The following TMEM232 variants were observed in gnomAD, a reference collection of about 807,000 sequenced individuals.
TMEM232 encodes transmembrane protein 232.
In TMEM232, 80 loss-of-function variants were observed where a neutral mutation model predicts 78.8. The ratio of observed to expected loss-of-function variants is 1.01; its 90% CI spans 0.85 to 1.22. The LOEUF (loss-of-function observed/expected upper bound fraction) is 1.22. TMEM232 is among the 50% of genes most tolerant of loss of function. The pLI is 0.00. For missense variants in TMEM232, 881 were observed against 742.2 expected (o/e 1.19, Z -2.17); for synonymous variants, 297 against 254.3 (o/e 1.17, Z -1.60).
intron 4 of TMEM232, among the ~76,000 whole-genome samples, chr5:110,639,008 A>C (rs1452099512): frequency 2.0e-5 from 3 of 152,228 alleles, no homozygotes; most frequent in Non-Finnish European, 4.4e-5. Flanking sequence ...AAATCATTAC[A>C]AAAGTTTTGA....
chr5:110,578,711 G>A (rs904669061), intron 10 of TMEM232, among the ~76,000 whole-genome samples: 1 of 151,794 alleles, frequency 6.6e-6, no homozygotes, highest in Non-Finnish European at 1.5e-5. Context: ...AAAAATTCTC[G>A]TGACATCGGC....
At position 110,716,232 on chromosome 5, in the gene TMEM232, C is replaced by T. The variant is rs537152324; in HGVS notation, c.-13+10395G>A. ...TCAAATATTTTACAGCAGGGGGCCC[C>T]GATCTTTTTGGCACCAGAGACCAGT... On this transcript the variant is annotated intron_variant, in intron 1 of 13. Transcript: ENST00000455884. Among the ~76,000 whole-genome samples the T allele has an allele frequency of 1.1e-4, 16 of 152,118 alleles. 1 individual carries two copies. The highest frequency in any genetic ancestry group is 7.9e-4 in the Admixed American group (12 of 15,250).
intron 2 of TMEM232, among the ~76,000 whole-genome samples, chr5:110,411,036 A>T (rs763016358): frequency 1.3e-5 from 2 of 152,160 alleles, no homozygotes; most frequent in Non-Finnish European, 2.9e-5. Context: ...AGGGGATGAG[A>T]AGTATCCTGG....
chr5:110,409,747 C>G (rs1340254736), intron 2 of TMEM232, among the ~76,000 whole-genome samples: 1 of 151,836 alleles, frequency 6.6e-6, no homozygotes, highest in Non-Finnish European at 1.5e-5. Context: ...GATGATTTTG[C>G]CCTTTAGCTA....
At chr5:110,605,758 A>C (rs1182898904) in intron 9 of TMEM232, among the ~76,000 whole-genome samples, 1 of 152,108 alleles carries the variant, frequency 6.6e-6, no homozygotes, top group Admixed American at 6.6e-5. Flanking sequence ...ATCTGTCCCA[A>C]AAACTCTGAA....
chr5:110,714,739 T>A (rs1796854385), intron 1 of TMEM232, among the ~76,000 whole-genome samples: 1 of 152,202 alleles, frequency 6.6e-6, no homozygotes, highest in Admixed American at 6.6e-5. Context: ...TTGATTCAGT[T>A]TTCACAAAAC....
rs1445940063 is a variant in TMEM232, at chr5:110,725,700, G to A, written c.-13+927C>T. 3 of 152,266 alleles carry A rather than the reference G, an allele frequency of 2.0e-5. No homozygotes were observed. The East Asian group carries it at 5.8e-4, about 29-fold the overall frequency. The allele number at this position is 152,266 out of a possible 1,614,324, so 9.4% of individuals were successfully genotyped here. A position where few individuals can be genotyped will look rare whatever the true frequency, so the allele number is the denominator to read the frequency against. On this transcript the variant is annotated intron_variant, in intron 1 of 13. Coordinates refer to ENST00000455884, the MANE Select transcript of TMEM232 (RefSeq NM_001039763.4). ...CAGCAGTCTGCCTGGGTGCTTGGCA[G>A]TTCATCTGCAACCTGGCACAGACCC...
intron 12 of TMEM232, among the ~76,000 whole-genome samples, chr5:110,518,488 A>G (rs1216101077): frequency 6.6e-6 from 1 of 152,212 alleles, no homozygotes; most frequent in East Asian, 1.9e-4. Flanking sequence ...GTTACAATTT[A>G]ACAAAAATGT....
rs184155378 is a variant in TMEM232 at position 110,541,028 on chromosome 5, C to T, written c.1456-12193G>A. ...CACAACCTTCAGGGTGCAATCCCAA[C>T]AGGAACAGCTAATACAGGAGCAAGG... On this transcript the variant is annotated intron_variant, in intron 11 of 13. Transcript: ENST00000455884. 6.6e-5 allele frequency among the ~76,000 whole-genome samples: 10 copies of T among 152,262 alleles called. No individual in the cohort carries two copies. The East Asian group carries it at 1.2e-3, about 18-fold the overall frequency.
chr5:110,728,344 A>T (rs1798356203), upstream of TMEM232, among the ~76,000 whole-genome samples: 1 of 151,898 alleles, frequency 6.6e-6, no homozygotes, highest in Admixed American at 6.6e-5. Context: ...CATAAAATTT[A>T]TATATGATAA....
At chr5:110,519,385 A>C (rs1167319615) in intron 12 of TMEM232, among the ~76,000 whole-genome samples, 1 of 152,114 alleles carries the variant, frequency 6.6e-6, no homozygotes, top group Non-Finnish European at 1.5e-5. Flanking sequence ...CGACATCACT[A>C]TTCATCAGAG....
chr5:110,543,035 A>C (rs1259304056), intron 11 of TMEM232, among the ~76,000 whole-genome samples: 1 of 152,048 alleles, frequency 6.6e-6, no homozygotes. Flanking sequence ...ATTTTCAATA[A>C]ATTTCTGCTT....
At chr5:110,482,899 C>T (rs1764036597) in intron 12 of TMEM232, among the ~76,000 whole-genome samples, 1 of 150,680 alleles carries the variant, frequency 6.6e-6, no homozygotes. Context: ...AGAGAATTTT[C>T]CCATGGCACA....
At chr5:110,523,488 T>C (rs1769864689) in intron 12 of TMEM232, among the ~76,000 whole-genome samples, 1 of 152,148 alleles carries the variant, frequency 6.6e-6, no homozygotes. Context: ...TTATTTGAGA[T>C]TTTTCTTTTT....
At chr5:110,467,583 A>C (rs1762216790) in intron 12 of TMEM232, among the ~76,000 whole-genome samples, 1 of 152,216 alleles carries the variant, frequency 6.6e-6, no homozygotes, top group African/African-American at 2.4e-5. Context: ...ATATTTCAAA[A>C]AGCTTTGCAA....
chr5:110,662,919 T>C (rs1789994391), intron 2 of TMEM232, among the ~76,000 whole-genome samples: 1 of 152,056 alleles, frequency 6.6e-6, no homozygotes. Context: ...TTGGGAAAGA[T>C]TTTTTTAACC....
At position 110,390,006 on chromosome 5, in the gene TMEM232, C is replaced by T. The variant is rs1322550781; in HGVS notation, n.615+410G>A. 2.0e-5 allele frequency among the ~76,000 whole-genome samples: 3 copies of T among 152,162 alleles called. No individual in the cohort carries two copies. The South Asian group carries it at 6.2e-4, about 32-fold the overall frequency. On this transcript the variant is annotated intron_variant and non_coding_transcript_variant, in intron 4 of 8. Coordinates refer to the TMEM232 transcript ENST00000507188. ...TATGTGTGTCTGTCAGAGAACGGAT[C>T]ATCCTGTGAGAGAGAAGGACTGAAT...
intron 1 of TMEM232, among the ~76,000 whole-genome samples, chr5:110,724,594 T>C (rs1472392334): frequency 6.6e-6 from 1 of 152,216 alleles, no homozygotes; most frequent in Non-Finnish European, 1.5e-5. Context: ...AATCAAATCC[T>C]AGATCACGGC....
chr5:110,567,982 T>A (rs990216518), intron 11 of TMEM232, among the ~76,000 whole-genome samples: 1 of 152,132 alleles, frequency 6.6e-6, no homozygotes, highest in African/African-American at 2.4e-5. Context: ...CCTATGCAGC[T>A]CCTTCACAGC....
Sources: gnomAD v4.1 joint callset for allele counts (sites outside exome capture counted in the v4.1 genomes callset) on GRCh38, gnomAD v4.1.1 for gene constraint, MANE v1.5 for transcripts, NCBI Gene and HGNC (gene_info 2026-07-23, HGNC 2026-07-21) for gene names.